Variants in TAFA1 observed in about 807,000 individuals in gnomAD.
TAFA1 encodes the protein chemokine-like protein TAFA-1.
Under a neutral mutation model 18.5 loss-of-function variants are expected in TAFA1, and 4 were observed. That is an observed-to-expected ratio of 0.22 (90% CI 0.11 to 0.49). The LOEUF is 0.49. Among genes scored for constraint, TAFA1 ranks in the 20% least tolerant of loss-of-function variants. TAFA1 has a pLI of 0.98. For synonymous variants in TAFA1, 56 were observed against 55.2 expected (o/e 1.01, Z -0.06); for missense variants, 147 against 169.0 (o/e 0.87, Z 0.72).
At chr3:68,367,491 C>G (rs2069597137) in intron 2 of TAFA1, among the ~76,000 whole-genome samples, 1 of 152,166 alleles carries the variant, frequency 6.6e-6, no homozygotes, top group Non-Finnish European at 1.5e-5. Flanking sequence ...CATGATTTTC[C>G]TCCACTGGGA....
intron 2 of TAFA1, among the ~76,000 whole-genome samples, chr3:68,098,256 T>C (rs1020831940): frequency 3.4e-5 from 5 of 147,724 alleles, no homozygotes; most frequent in African/African-American, 1.2e-4. Context: ...AAGGTGTGAC[T>C]GTTTTTTTTT....
chr3:67,999,683 A>T (rs1056220052), upstream of TAFA1, among the ~76,000 whole-genome samples: 1 of 152,072 alleles, frequency 6.6e-6, no homozygotes, highest in Non-Finnish European at 1.5e-5. Flanking sequence ...ATTCCAACAC[A>T]AATTTAGTGG....
chr3:68,083,553 C>T (rs1455123256), intron 2 of TAFA1, among the ~76,000 whole-genome samples: 1 of 152,190 alleles, frequency 6.6e-6, no homozygotes, highest in South Asian at 2.1e-4. Context: ...AGCACAAGTG[C>T]ATGGATGTTT....
At chr3:68,003,810 T>C (rs1704313873), upstream of TAFA1, among the ~76,000 whole-genome samples, 3 of 152,352 alleles carry the variant, frequency 2.0e-5, no homozygotes, top group Admixed American at 6.5e-5. Context: ...AAGGTTTTTA[T>C]TGGACTTATG....
intron 2 of TAFA1, among the ~76,000 whole-genome samples, chr3:68,016,713 T>C (rs1289032476): frequency 6.6e-6 from 1 of 152,192 alleles, no homozygotes; most frequent in Non-Finnish European, 1.5e-5. Context: ...ATGACTGTAT[T>C]TGTAATTATC....
chr3:68,451,128 T>C (rs2071560745), intron 3 of TAFA1, among the ~76,000 whole-genome samples: 1 of 152,210 alleles, frequency 6.6e-6, no homozygotes, highest in Admixed American at 6.5e-5. Context: ...TAGCCCAGTT[T>C]ATGCCCGTTG....
chr3:68,540,393 C>T (rs879525220), intron 4 of TAFA1, among the ~76,000 whole-genome samples: 4 of 152,124 alleles, frequency 2.6e-5, no homozygotes, highest in African/African-American at 7.2e-5. Context: ...AAGCCTGGTT[C>T]ATGCAACTTA....
intron 3 of TAFA1, among the ~76,000 whole-genome samples, chr3:68,479,241 A>AAAAAAAAAAAT (rs1353493315): frequency 7.3e-5 from 9 of 123,666 alleles, no homozygotes; most frequent in African/African-American, 2.9e-4. Flanking sequence ...AAAAAAAAAA[A>AAAAAAAAAAAT]ATATATATAT....
intron 2 of TAFA1, among the ~76,000 whole-genome samples, chr3:68,227,944 T>C (rs1575692217): frequency 6.6e-6 from 1 of 152,144 alleles, no homozygotes; most frequent in Non-Finnish European, 1.5e-5. Context: ...GAGTGGAGCA[T>C]ATACTTTATT....
At chr3:68,312,880 C>T (rs1023892262) in intron 2 of TAFA1, among the ~76,000 whole-genome samples, 2 of 152,084 alleles carry the variant, frequency 1.3e-5, no homozygotes, top group Non-Finnish European at 2.9e-5. Flanking sequence ...AGGTAATTTA[C>T]AAAAGAAAGA....
chr3:68,339,813 A>G (rs1447000752), intron 2 of TAFA1, among the ~76,000 whole-genome samples: 1 of 152,136 alleles, frequency 6.6e-6, no homozygotes, highest in African/African-American at 2.4e-5. Flanking sequence ...ACCATCTCTA[A>G]AAGAGAGGGG....
chr3:68,214,947 C>T (rs1283960565), intron 2 of TAFA1, among the ~76,000 whole-genome samples: 3 of 151,874 alleles, frequency 2.0e-5, no homozygotes, highest in African/African-American at 4.8e-5. Context: ...AAGAAAGTTG[C>T]ACTTTTGCTT....
chr3:68,069,253 G>A (rs1265612391), intron 2 of TAFA1, among the ~76,000 whole-genome samples: 4 of 152,240 alleles, frequency 2.6e-5, no homozygotes, highest in Non-Finnish European at 5.9e-5. Flanking sequence ...AGTTCCATGT[G>A]GCTGGGGAGG....
chr3:68,040,985 CA>C (rs1312975208), intron 2 of TAFA1, among the ~76,000 whole-genome samples: 1 of 152,134 alleles, frequency 6.6e-6, no homozygotes, highest in Non-Finnish European at 1.5e-5. Context: ...ATGGATTATG[CA>C]ACTCTAAGAT....
chr3:68,151,621 A>G (rs2065807275), intron 2 of TAFA1, among the ~76,000 whole-genome samples: 1 of 152,138 alleles, frequency 6.6e-6, no homozygotes, highest in African/African-American at 2.4e-5. Flanking sequence ...CAAACTCACG[A>G]TTTTCATCAG....
chr3:68,089,025 G>A (rs894261418), intron 2 of TAFA1, among the ~76,000 whole-genome samples: 11 of 152,178 alleles, frequency 7.2e-5, no homozygotes, highest in Non-Finnish European at 1.5e-4. Flanking sequence ...CATTCACTGA[G>A]TGGAGTGTCC....
At chr3:68,166,084 A>T (rs1452038486) in intron 2 of TAFA1, among the ~76,000 whole-genome samples, 1 of 144,110 alleles carries the variant, frequency 6.9e-6, no homozygotes, top group Non-Finnish European at 1.5e-5. Context: ...TTCTGCGCAA[A>T]GTCATAGAGG....
chr3:68,199,454 C>T (rs968359363), intron 2 of TAFA1, among the ~76,000 whole-genome samples: 1 of 151,476 alleles, frequency 6.6e-6, no homozygotes, highest in African/African-American at 2.4e-5. Flanking sequence ...GCTGGGAACA[C>T]CTGACATCTT....
At chr3:68,440,041 C>A (rs1575868712) in intron 3 of TAFA1, among the ~76,000 whole-genome samples, 1 of 90,808 alleles carries the variant, frequency 1.1e-5, no homozygotes, top group African/African-American at 4.5e-5. Context: ...TTAGCTGTGT[C>A]CCCCCCCTCC....
Sources: gnomAD v4.1 joint callset for allele counts (sites outside exome capture counted in the v4.1 genomes callset) on GRCh38, gnomAD v4.1.1 for gene constraint, MANE v1.5 for transcripts, NCBI Gene and HGNC (gene_info 2026-07-23, HGNC 2026-07-21) for gene names.